Variants in PDE4D observed in about 807,000 individuals in gnomAD.
PDE4D encodes the protein 3',5'-cyclic-AMP phosphodiesterase 4D.
PDE4D carries 24 observed loss-of-function variants against 87.4 expected under a neutral mutation model. The ratio of observed to expected loss-of-function variants is 0.27; its 90% CI spans 0.20 to 0.39. The LOEUF is 0.39. Among genes scored for constraint, PDE4D ranks in the 10% least tolerant of loss-of-function variants. The probability of loss-of-function intolerance (pLI) is 1.00; values close to 1 mark genes in which losing one functional copy is unlikely to be tolerated. For synonymous variants in PDE4D, 384 were observed against 383.2 expected, an observed-to-expected ratio of 1.00 and a Z score of -0.02; for missense variants, 714 against 1,041.0, an observed-to-expected ratio of 0.69 and a Z score of 4.32.
At chr5:59,229,679 G>A (rs1754701757) in intron 1 of PDE4D, among the ~76,000 whole-genome samples, 2 of 152,164 alleles carry the variant, frequency 1.3e-5, no homozygotes, top group South Asian at 4.1e-4. Context: ...GAAGCTCTTA[G>A]CTTGATCTTC....
chr5:60,339,356 G>A (rs978583535), intron 1 of PDE4D, among the ~76,000 whole-genome samples: 3 of 151,978 alleles, frequency 2.0e-5, no homozygotes, highest in Non-Finnish European at 2.9e-5. Context: ...CTAATGAGAC[G>A]GCTACTAAGG....
intron 1 of PDE4D, among the ~76,000 whole-genome samples, chr5:59,247,964 A>G (rs972809485): frequency 1.0e-4 from 15 of 147,472 alleles, no homozygotes; most frequent in Non-Finnish European, 1.8e-4. Context: ...ATGAACTGCA[A>G]GCTGGTGTAT....
intron 2 of PDE4D, among the ~76,000 whole-genome samples, chr5:60,131,446 T>C (rs1324238240): frequency 6.6e-6 from 1 of 152,222 alleles, no homozygotes; most frequent in East Asian, 1.9e-4. Flanking sequence ...GGACTGGTCT[T>C]ATAACCTAGT....
intron 1 of PDE4D, among the ~76,000 whole-genome samples, chr5:59,861,491 A>G (rs1398219104): frequency 1.3e-5 from 2 of 152,184 alleles, no homozygotes; most frequent in African/African-American, 4.8e-5. Context: ...CCAAACTACC[A>G]GTTCAGTTCA....
chr5:59,446,700 T>C (rs973022830), intron 1 of PDE4D, among the ~76,000 whole-genome samples: 1 of 152,240 alleles, frequency 6.6e-6, no homozygotes, highest in African/African-American at 2.4e-5. Flanking sequence ...GAGATATTAC[T>C]AGTACGGAGC....
intron 1 of PDE4D, among the ~76,000 whole-genome samples, chr5:59,660,617 T>C (rs1247847913): frequency 1.3e-5 from 2 of 152,136 alleles, no homozygotes; most frequent in East Asian, 3.8e-4. Flanking sequence ...GGCTTTGTTT[T>C]CAAGGATGTC....
intron 1 of PDE4D, among the ~76,000 whole-genome samples, chr5:60,421,102 G>A (rs1179207542): frequency 1.3e-5 from 2 of 152,234 alleles, no homozygotes; most frequent in East Asian, 3.8e-4. Context: ...ACCTCTGTGG[G>A]CAGGGCATAG....
chr5:59,396,177 A>G (rs1272179510), intron 1 of PDE4D, among the ~76,000 whole-genome samples: 1 of 118,422 alleles, frequency 8.4e-6, no homozygotes, highest in Non-Finnish European at 1.8e-5. Flanking sequence ...TATCCAGGAG[A>G]ATTTCCCCAA....
At chr5:59,553,945 T>C (rs1168473538) in intron 1 of PDE4D, among the ~76,000 whole-genome samples, 1 of 152,106 alleles carries the variant, frequency 6.6e-6, no homozygotes, top group Non-Finnish European at 1.5e-5. Flanking sequence ...TATAATACAA[T>C]AATAGCTATA....
At chr5:59,333,238 A>G (rs1254994704) in intron 1 of PDE4D, among the ~76,000 whole-genome samples, 1 of 152,060 alleles carries the variant, frequency 6.6e-6, no homozygotes, top group Non-Finnish European at 1.5e-5. Context: ...ACTATAAATC[A>G]CTCACCACTA....
chr5:59,792,841 T>G (rs771150735), intron 1 of PDE4D, among the ~76,000 whole-genome samples: 1 of 152,092 alleles, frequency 6.6e-6, no homozygotes, highest in African/African-American at 2.4e-5. Flanking sequence ...GGACAGGAAC[T>G]GGTATGAAGG....
At chr5:59,887,506 T>C (rs564773560) in intron 1 of PDE4D, among the ~76,000 whole-genome samples, 1 of 152,330 alleles carries the variant, frequency 6.6e-6, no homozygotes, top group Admixed American at 6.5e-5. Flanking sequence ...GACTCACATA[T>C]TGCATATTTT....
intron 6 of PDE4D, among the ~76,000 whole-genome samples, chr5:59,007,117 T>C (rs548777517): frequency 3.3e-5 from 5 of 152,368 alleles, no homozygotes; most frequent in African/African-American, 1.2e-4. Context: ...TTGAAATATT[T>C]AAGAAATATT....
chr5:60,461,920 G>T (rs930465889), intron 1 of PDE4D, among the ~76,000 whole-genome samples: 1 of 152,160 alleles, frequency 6.6e-6, no homozygotes, highest in Non-Finnish European at 1.5e-5. Flanking sequence ...CATGAGAAAC[G>T]TTCTTAACCC....
chr5:59,219,846 A>G (rs548234243), intron 1 of PDE4D, among the ~76,000 whole-genome samples: 4 of 152,198 alleles, frequency 2.6e-5, no homozygotes, highest in Admixed American at 6.6e-5. Flanking sequence ...GAGTTAAAAA[A>G]TGTCCAGCCA....
chr5:59,382,698 G>A (rs1233646070), intron 1 of PDE4D, among the ~76,000 whole-genome samples: 1 of 152,048 alleles, frequency 6.6e-6, no homozygotes, highest in Non-Finnish European at 1.5e-5. Context: ...CAGGAAATCT[G>A]CATTACAAGA....
At position 59,460,549 on chromosome 5, in the gene PDE4D, A is replaced by G. The variant is rs952883463; in HGVS notation, c.456-244581T>C. On this transcript the variant is annotated intron_variant, in intron 1 of 14. Transcript: ENST00000340635. ...GTGGTACTGTCTGAACATGACCTAG[A>G]TAGCTCATGCTGGGTCGTCTGGACA... 5.3e-5 allele frequency among the ~76,000 whole-genome samples: 8 copies of G among 152,308 alleles called. No individual in the cohort carries two copies. In the South Asian group the frequency reaches 8.3e-4, roughly 16 times the overall value.
At chr5:60,381,522 C>T (rs1474604681) in intron 1 of PDE4D, among the ~76,000 whole-genome samples, 1 of 152,138 alleles carries the variant, frequency 6.6e-6, no homozygotes, top group African/African-American at 2.4e-5. Context: ...GCCTTGGGAA[C>T]CCCTGATACA....
chr5:59,896,161 T>C (rs1409470947), upstream of PDE4D, among the ~76,000 whole-genome samples: 2 of 152,198 alleles, frequency 1.3e-5, no homozygotes, highest in East Asian at 3.8e-4. Flanking sequence ...GTCTCCCATA[T>C]GCAAAGTAGT....
Sources: allele counts gnomAD v4.1 joint callset (sites outside exome capture counted in the v4.1 genomes callset), GRCh38; gene constraint gnomAD v4.1.1; transcripts MANE v1.5; gene names NCBI Gene and HGNC (gene_info 2026-07-23, HGNC 2026-07-21).